The following RBFOX1 variants were observed in gnomAD, a reference collection of about 807,000 sequenced individuals.
RBFOX1 encodes RNA binding fox-1 homolog 1.
RBFOX1 carries 8 observed loss-of-function variants against 57.7 expected under a neutral mutation model. That is an observed-to-expected ratio of 0.14 (90% CI 0.08 to 0.25). The LOEUF (loss-of-function observed/expected upper bound fraction) is 0.25. RBFOX1 is among the 10% of genes least tolerant of loss of function. The pLI is 1.00. For synonymous variants in RBFOX1, 326 were observed against 222.4 expected (o/e 1.47, Z -4.15); for missense variants, 611 against 548.5 (o/e 1.11, Z -1.14).
intron 1 of RBFOX1, among the ~76,000 whole-genome samples, chr16:6,044,776 G>A (rs902215206): frequency 3.3e-5 from 5 of 152,338 alleles, no homozygotes; most frequent in South Asian, 2.1e-4. Context: ...GGCATGAGGC[G>A]TGAACTCTGA....
chr16:6,138,755 T>C (rs553640764), intron 1 of RBFOX1, among the ~76,000 whole-genome samples: 1 of 151,976 alleles, frequency 6.6e-6, no homozygotes, highest in African/African-American at 2.4e-5. Flanking sequence ...TAGTCCCAGG[T>C]ACTTGGGAGG....
chr16:6,797,050 C>T (rs1411719200), intron 3 of RBFOX1, among the ~76,000 whole-genome samples: 1 of 152,156 alleles, frequency 6.6e-6, no homozygotes, highest in Non-Finnish European at 1.5e-5. Flanking sequence ...GGTTTCCACT[C>T]TCTGGGTTGC....
intron 4 of RBFOX1, among the ~76,000 whole-genome samples, chr16:7,135,527 A>G (rs1329034064): frequency 6.6e-6 from 1 of 152,256 alleles, no homozygotes; most frequent in African/African-American, 2.4e-5. Context: ...GAGACAGAGC[A>G]ATAAGAAGAT....
intron 2 of RBFOX1, among the ~76,000 whole-genome samples, chr16:6,571,044 C>A (rs948207095): frequency 6.6e-6 from 1 of 152,144 alleles, no homozygotes; most frequent in African/African-American, 2.4e-5. Context: ...CTGAGATGAG[C>A]AGGCATTGTG....
intron 1 of RBFOX1, among the ~76,000 whole-genome samples, chr16:6,242,883 A>G (rs886214136): frequency 6.6e-6 from 1 of 152,080 alleles, no homozygotes; most frequent in African/African-American, 2.4e-5. Flanking sequence ...CAATGTTAAA[A>G]CTTTATCAGA....
intron 4 of RBFOX1, among the ~76,000 whole-genome samples, chr16:7,494,242 AC>A (rs2067853759): frequency 6.6e-6 from 1 of 152,208 alleles, no homozygotes; most frequent in South Asian, 2.1e-4. Flanking sequence ...TTGCTGAAGC[AC>A]AGGCAAGCAT....
At chr16:6,898,972 A>T (rs538007009) in intron 3 of RBFOX1, among the ~76,000 whole-genome samples, 66 of 150,588 alleles carry the variant, frequency 4.4e-4, no homozygotes, top group Admixed American at 4.1e-3. Flanking sequence ...TATGTGTATG[A>T]TGTGTGTATG....
chr16:7,663,295 G>A (rs1022485236), intron 12 of RBFOX1, among the ~76,000 whole-genome samples: 14 of 152,304 alleles, frequency 9.2e-5, no homozygotes, highest in East Asian at 1.9e-4. Flanking sequence ...CTTCACAAGC[G>A]CTCTTGTGAA....
chr16:5,673,925 C>A (rs1289548047), intron 3 of RBFOX1, among the ~76,000 whole-genome samples: 1 of 152,212 alleles, frequency 6.6e-6, no homozygotes, highest in Non-Finnish European at 1.5e-5. Flanking sequence ...GGTTACAAAA[C>A]CGAAAGGGGG....
chr16:6,525,483 C>G (rs1389645072), intron 2 of RBFOX1, among the ~76,000 whole-genome samples: 1 of 152,156 alleles, frequency 6.6e-6, no homozygotes, highest in African/African-American at 2.4e-5. Flanking sequence ...AAGTCAGGAG[C>G]AAATGCATGT....
intron 4 of RBFOX1, among the ~76,000 whole-genome samples, chr16:7,234,912 C>A (rs572530004): frequency 1.3e-5 from 2 of 151,990 alleles, no homozygotes; most frequent in African/African-American, 4.8e-5. Flanking sequence ...TCTCCCAATT[C>A]CATTTTCAGA....
intron 1 of RBFOX1, among the ~76,000 whole-genome samples, chr16:5,265,803 G>C (rs2062843714): frequency 6.6e-6 from 1 of 152,160 alleles, no homozygotes; most frequent in South Asian, 2.1e-4. Flanking sequence ...TCGGGGGACT[G>C]TGCTTTTATG....
At chr16:7,218,646 G>C (rs1233310346) in intron 4 of RBFOX1, among the ~76,000 whole-genome samples, 27 of 149,122 alleles carry the variant, frequency 1.8e-4, no homozygotes, top group South Asian at 6.3e-4. Flanking sequence ...GTGTGTGTGT[G>C]TGTGTGTGTG....
At chr16:6,965,104 G>T (rs535794478) in intron 3 of RBFOX1, among the ~76,000 whole-genome samples, 3 of 152,138 alleles carry the variant, frequency 2.0e-5, no homozygotes, top group African/African-American at 7.2e-5. Context: ...GTCATGAGGT[G>T]GGTTTATCTA....
At chr16:7,489,830 A>G (rs542959187) in intron 4 of RBFOX1, among the ~76,000 whole-genome samples, 36 of 151,912 alleles carry the variant, frequency 2.4e-4, no homozygotes, top group Non-Finnish European at 4.0e-4. Context: ...TAAGTTATGC[A>G]TATTATCTTT....
chr16:6,811,893 A>G (rs1273308420), intron 3 of RBFOX1, among the ~76,000 whole-genome samples: 1 of 152,204 alleles, frequency 6.6e-6, no homozygotes, highest in African/African-American at 2.4e-5. Context: ...CCATCTCAAA[A>G]TATAAATAAA....
At chr16:7,306,607 T>G (rs201238124) in intron 4 of RBFOX1, among the ~76,000 whole-genome samples, 1 of 138,622 alleles carries the variant, frequency 7.2e-6, no homozygotes, top group African/African-American at 2.7e-5. Flanking sequence ...GTGTGTGTAT[T>G]TTCTCTGAGC....
At chr16:5,728,797 C>T (rs2052250148) in intron 3 of RBFOX1, among the ~76,000 whole-genome samples, 1 of 152,178 alleles carries the variant, frequency 6.6e-6, no homozygotes, top group African/African-American at 2.4e-5. Flanking sequence ...CTGTGTTCTG[C>T]TGGCCCCTTT....
At chr16:6,824,513 T>C (rs533754554) in intron 3 of RBFOX1, among the ~76,000 whole-genome samples, 4 of 152,196 alleles carry the variant, frequency 2.6e-5, no homozygotes, top group African/African-American at 9.7e-5. Flanking sequence ...ATTTCATTTT[T>C]TAAAAATTAA....
Sources: allele counts gnomAD v4.1 joint callset (sites outside exome capture counted in the v4.1 genomes callset), GRCh38; gene constraint gnomAD v4.1.1; transcripts MANE v1.5; gene names NCBI Gene and HGNC (gene_info 2026-07-23, HGNC 2026-07-21).